DPP6: variants seen among roughly 807,000 people sequenced by gnomAD.
The protein encoded by DPP6 is A-type potassium channel modulatory protein DPP6.
Under a neutral mutation model 122.6 loss-of-function variants are expected in DPP6, and 69 were observed. The observed-to-expected ratio is 0.56, with a 90% CI of 0.46 to 0.69. DPP6 has a LOEUF of 0.69. DPP6 is among the 30% of genes least tolerant of loss of function. DPP6 has a pLI of 0.00. For synonymous variants in DPP6, 418 were observed against 433.1 expected (o/e 0.97, Z 0.43); for missense variants, 928 against 1,116.9 (o/e 0.83, Z 2.41).
At chr7:154,141,231 G>A (rs909298112) in intron 1 of DPP6, among the ~76,000 whole-genome samples, 5 of 152,218 alleles carry the variant, frequency 3.3e-5, no homozygotes, top group African/African-American at 1.2e-4. Flanking sequence ...CCATATTGAA[G>A]AAGTCAGCTT....
At chr7:154,804,837 C>T (rs1016234805) in intron 14 of DPP6, 80 bp from the exon 15 acceptor site, 34 of 1,546,356 alleles carry the variant, frequency 2.2e-5, no homozygotes, top group South Asian at 1.4e-4. Context: ...GAGGAGTGTC[C>T]ATAGAGGTAG....
chr7:154,173,402 G>T (rs1002679809), intron 1 of DPP6, among the ~76,000 whole-genome samples: 1 of 152,144 alleles, frequency 6.6e-6, no homozygotes, highest in Admixed American at 6.5e-5. Context: ...CTCCCTCAGG[G>T]GCAGCTGGAC....
At chr7:153,974,418 A>AC (rs1217653485) in intron 1 of DPP6, among the ~76,000 whole-genome samples, 2 of 152,072 alleles carry the variant, frequency 1.3e-5, no homozygotes, top group Non-Finnish European at 2.9e-5. Context: ...TTTATTTGTG[A>AC]CCCCAAAAAA....
intron 1 of DPP6, among the ~76,000 whole-genome samples, chr7:153,908,954 A>G (rs546458699): frequency 2.0e-5 from 3 of 152,022 alleles, no homozygotes; most frequent in African/African-American, 4.8e-5. Context: ...GGGTTTCACT[A>G]TATTGGCCAG....
In DPP6 at chr7:154,749,795, G is replaced by A. The variant is rs113016907; in HGVS notation, c.884-19622G>A. 6.2e-3 allele frequency among the ~76,000 whole-genome samples: 591 copies of A among 94,580 alleles called. 17 individuals are homozygous for A. The highest frequency in any genetic ancestry group is 0.023 in the African/African-American group (536 of 23,816). 62.0% of individuals were successfully genotyped at this position (94,580 alleles called of 152,430 possible). A position where few individuals can be genotyped will look rare whatever the true frequency, so the allele number is the denominator to read the frequency against. On this transcript the variant is annotated intron_variant, in intron 8 of 25. Coordinates refer to ENST00000377770, the MANE Select transcript of DPP6 (RefSeq NM_130797.4). Reference sequence around the variant, plus strand: ...GAGAGAGGGTGAGAGAGCATAGGACGGGAAAGAGAGGGATGGAGGCTTTAC... The same window carrying A: ...GAGAGAGGGTGAGAGAGCATAGGACAGGAAAGAGAGGGATGGAGGCTTTAC...
chr7:154,822,059 C>T (rs1239438687), intron 16 of DPP6, among the ~76,000 whole-genome samples: 2 of 152,082 alleles, frequency 1.3e-5, no homozygotes, highest in Non-Finnish European at 2.9e-5. Context: ...CATAAACTTT[C>T]TCTGGTCACA....
Position 154,237,274 on chromosome 7 carries a change from C to G in DPP6, c.243+184211C>G, listed in dbSNP as rs1801278448. On this transcript the variant is annotated intron_variant, in intron 1 of 25. Coordinates refer to ENST00000377770, the MANE Select transcript of DPP6 (RefSeq NM_130797.4). Reference sequence around the variant, plus strand: ...TTAGTATCTTGTTTACAGGTGATGACACAAACAAGTTATCTGGAAATAAAA... The same window carrying G: ...TTAGTATCTTGTTTACAGGTGATGAGACAAACAAGTTATCTGGAAATAAAA... Among the ~76,000 whole-genome samples the G allele has an allele frequency of 3.3e-5, 5 of 152,166 alleles. No individual in the cohort carries two copies. The South Asian group carries it at 1.0e-3, about 32-fold the overall frequency.
At chr7:153,785,482 T>C in the DPP6 span, among the ~76,000 whole-genome samples, 1 of 152,162 alleles carries the variant, frequency 6.6e-6, no homozygotes, top group Non-Finnish European at 1.5e-5. Context: ...TTTCTATTTG[T>C]TGATCTTTTT....
At chr7:154,585,749 G>A (rs1170669401) in intron 5 of DPP6, among the ~76,000 whole-genome samples, 1 of 152,198 alleles carries the variant, frequency 6.6e-6, no homozygotes, top group African/African-American at 2.4e-5. Context: ...CACATGTTCA[G>A]TACAGATGCA....
intron 1 of DPP6, among the ~76,000 whole-genome samples, chr7:153,996,162 T>C (rs1329334792): frequency 6.6e-6 from 1 of 152,114 alleles, no homozygotes; most frequent in Non-Finnish European, 1.5e-5. Context: ...CAAGAGACAC[T>C]CCACTGTGAT....
intron 5 of DPP6, chr7:154,588,379 G>C: frequency 2.5e-6 from 1 of 396,648 alleles, no homozygotes; most frequent in Non-Finnish European, 4.5e-6. Context: ...GGCCGACTGT[G>C]TCTTCTTCAG....
intron 1 of DPP6, among the ~76,000 whole-genome samples, chr7:154,387,501 G>A (rs1814220622): frequency 6.6e-6 from 1 of 152,240 alleles, no homozygotes; most frequent in Non-Finnish European, 1.5e-5. Flanking sequence ...CCCAGCAGGT[G>A]GGTGGGCCCA....
In DPP6 at chr7:154,208,443, C is replaced by A. The variant is rs1474426915; in HGVS notation, c.243+155380C>A. ...GCCAGGGCTTCGCAAGGCCCAGACA[C>A]CCCGCTGACTCATCCCATCTGCAGC... On this transcript the variant is annotated intron_variant, in intron 1 of 25. Coordinates refer to ENST00000377770, the MANE Select transcript of DPP6 (RefSeq NM_130797.4). Among the ~76,000 whole-genome samples, 6 of 152,362 alleles carry A rather than the reference C, an allele frequency of 3.9e-5. No individual in the cohort carries two copies. In the East Asian group the frequency reaches 1.2e-3, roughly 29 times the overall value.
intron 16 of DPP6, among the ~76,000 whole-genome samples, chr7:154,823,616 G>C (rs1799944913): frequency 6.6e-6 from 1 of 152,200 alleles, no homozygotes; most frequent in Non-Finnish European, 1.5e-5. Flanking sequence ...CTCATCGTGT[G>C]TAATATATGG....
chr7:154,093,039 C>G (rs926801118), intron 1 of DPP6: 2 of 151,932 alleles, frequency 1.3e-5, no homozygotes, highest in Admixed American at 6.6e-5. Context: ...ACCACTCTTA[C>G]CTTCGAACAC....
chr7:154,776,247 A>AGACG (rs1426767940), intron 10 of DPP6, among the ~76,000 whole-genome samples: 1 of 9,572 alleles, frequency 1.0e-4, no homozygotes, highest in Non-Finnish European at 2.5e-4. Flanking sequence ...ACAGATACAT[A>AGACG]GATAGATAGA....
intron 1 of DPP6, among the ~76,000 whole-genome samples, chr7:154,392,418 A>G (rs941431321): frequency 6.6e-6 from 1 of 152,232 alleles, no homozygotes; most frequent in African/African-American, 2.4e-5. Flanking sequence ...TTTAAGAAGA[A>G]GTACATGACA....
At chr7:154,587,602 A>G (rs977543645) in intron 5 of DPP6, 1 of 1,507,168 alleles carries the variant, frequency 6.6e-7, no homozygotes, top group Non-Finnish European at 8.9e-7. Context: ...GACCATAGAA[A>G]TGGAATTGAG....
intron 1 of DPP6, among the ~76,000 whole-genome samples, chr7:153,989,534 A>G (rs1797045865): frequency 1.3e-5 from 2 of 151,884 alleles, no homozygotes; most frequent in Non-Finnish European, 2.9e-5. Context: ...AAGGTATGCC[A>G]GAAGCCGGAC....
Sources: allele counts gnomAD v4.1 joint callset (sites outside exome capture counted in the v4.1 genomes callset), GRCh38; gene constraint gnomAD v4.1.1; transcripts MANE v1.5; gene names NCBI Gene and HGNC (gene_info 2026-07-23, HGNC 2026-07-21).